The following PREX1 variants were observed in gnomAD, a reference collection of about 807,000 sequenced individuals.
The protein encoded by PREX1 is phosphatidylinositol 3,4,5-trisphosphate-dependent Rac exchanger 1 protein.
A neutral mutation model predicts 198.3 loss-of-function variants in PREX1; 41 were observed. The observed-to-expected ratio is 0.21, with a 90% CI of 0.16 to 0.27. The LOEUF (loss-of-function observed/expected upper bound fraction) is 0.27. Among genes scored for constraint, PREX1 ranks in the 10% least tolerant of loss-of-function variants. The pLI, the probability that PREX1 is intolerant of heterozygous loss-of-function variation, is 1.00. For synonymous variants in PREX1, 843 were observed against 887.2 expected (o/e 0.95, Z 0.89); for missense variants, 1,620 against 2,200.7 (o/e 0.74, Z 5.28).
intron 6 of PREX1, among the ~76,000 whole-genome samples, chr20:48,704,823 T>C (rs1318892768): frequency 6.6e-6 from 1 of 152,216 alleles, no homozygotes; most frequent in African/African-American, 2.4e-5. Flanking sequence ...CCCACAGTGC[T>C]AGGATTACAG....
intron 3 of PREX1, among the ~76,000 whole-genome samples, chr20:48,743,907 A>T (rs1401823401): frequency 6.6e-6 from 1 of 152,046 alleles, no homozygotes; most frequent in Non-Finnish European, 1.5e-5. Flanking sequence ...CTTGCCCCCC[A>T]TTGCCCTCTG....
At chr20:48,710,953 C>T (rs186745437) in intron 5 of PREX1, among the ~76,000 whole-genome samples, 3 of 152,338 alleles carry the variant, frequency 2.0e-5, no homozygotes, top group Non-Finnish European at 2.9e-5. Context: ...CACATGAGGC[C>T]GCAGTGGGGT....
intron 20 of PREX1, among the ~76,000 whole-genome samples, chr20:48,652,930 A>G (rs1223130765): frequency 6.6e-6 from 1 of 152,156 alleles, no homozygotes; most frequent in Non-Finnish European, 1.5e-5. Flanking sequence ...CTGTGTCCCC[A>G]GGGTCTACAA....
At chr20:48,787,607 TAA>T (rs200161913) in intron 1 of PREX1, among the ~76,000 whole-genome samples, 26 of 134,464 alleles carry the variant, frequency 1.9e-4, no homozygotes, top group Middle Eastern at 3.8e-3. Context: ...CCCCTTACAT[TAA>T]AAAAAAAAAA....
At position 48,627,974 on chromosome 20, in the gene PREX1, G is replaced by A. The variant is rs755686178; in HGVS notation, c.4767-11C>T. Reference sequence around the variant, plus strand: ...ACGCTCAGGGTGCTCCTGCAGCAGGGGAGGGAGGACAGCGGGTTGGCGGTG... The same window carrying A: ...ACGCTCAGGGTGCTCCTGCAGCAGGAGAGGGAGGACAGCGGGTTGGCGGTG... On this transcript the variant is annotated splice_polypyrimidine_tract_variant and intron_variant, in intron 37 of 39. Transcript: ENST00000371941. 17 of 1,602,904 alleles carry A rather than the reference G, an allele frequency of 1.1e-5. No individual in the cohort carries two copies. The South Asian group carries it at 1.2e-4, about 12-fold the overall frequency.
chr20:48,784,288 A>G (rs910474674), intron 1 of PREX1, among the ~76,000 whole-genome samples: 3 of 152,202 alleles, frequency 2.0e-5, no homozygotes, highest in Non-Finnish European at 4.4e-5. Context: ...GTAATCATTT[A>G]ATTTTATCAG....
intron 1 of PREX1, among the ~76,000 whole-genome samples, chr20:48,820,824 G>A (rs1047986737): frequency 5.9e-5 from 9 of 152,196 alleles, no homozygotes; most frequent in Non-Finnish European, 8.8e-5. Flanking sequence ...CCCGTATGTC[G>A]ACAGTGCTGA....
In PREX1 at chr20:48,679,716, A is replaced by T; in HGVS notation, c.1474T>A (p.Tyr492Asn). The change falls in exon 12 of 40, where the codon TAT (tyrosine) becomes AAT (asparagine). Residue 492 changes from tyrosine to asparagine, a missense_variant. Around this residue, in one of 7 missense-constraint regions of PREX1, gnomAD observed 488 missense variants for 802.5 expected, o/e 0.61. Transcript: ENST00000371941. ...KHQFKNEQVM[Y>N]RFRYDDGTYK... is the part of the protein sequence containing the mutation. ...GTGCCATCGTCGTAGCGGAAGCGATACATCACCTGCTCATTCTTGAACTGG... is the reference window on the plus strand; with the variant it reads ...GTGCCATCGTCGTAGCGGAAGCGATTCATCACCTGCTCATTCTTGAACTGG... 1 of 1,613,826 alleles carries T rather than the reference A, an allele frequency of 6.2e-7. No homozygotes were observed. Among genetic ancestry groups the T allele is most frequent in the Non-Finnish European group, 8.5e-7 (1 of 1,179,702 alleles).
At chr20:48,862,788 A>AT in the PREX1 span, among the ~76,000 whole-genome samples, 18 of 49,838 alleles carry the variant, frequency 3.6e-4, no homozygotes, top group African/African-American at 1.9e-3. Context: ...CCTAAAAAAA[A>AT]AAATATATAT....
At chr20:48,689,975 TG>T (rs1449193377) in intron 9 of PREX1, among the ~76,000 whole-genome samples, 13 of 152,120 alleles carry the variant, frequency 8.5e-5, no homozygotes, top group Admixed American at 3.9e-4. Flanking sequence ...GTTGATCTAT[TG>T]AATTTGGGGA....
chr20:48,756,397 C>T (rs1221948754), intron 1 of PREX1, among the ~76,000 whole-genome samples: 1 of 152,176 alleles, frequency 6.6e-6, no homozygotes, highest in Non-Finnish European at 1.5e-5. Flanking sequence ...GGATTTGAAA[C>T]ATCCTCCCCA....
the PREX1 span, among the ~76,000 whole-genome samples, chr20:48,856,358 A>G: frequency 0.17 from 26,334 of 152,194 alleles, 2,349 homozygotes; most frequent in Non-Finnish European, 0.19. Flanking sequence ...GACGACGCCC[A>G]TGCCAGGGGC....
chr20:48,734,083 A>G (rs931862003), intron 4 of PREX1, among the ~76,000 whole-genome samples: 3 of 152,184 alleles, frequency 2.0e-5, no homozygotes, highest in Non-Finnish European at 4.4e-5. Flanking sequence ...ATTTTCTTTC[A>G]TTTATAATTA....
chr20:48,858,119 T>C, the PREX1 span, among the ~76,000 whole-genome samples: 1 of 152,230 alleles, frequency 6.6e-6, no homozygotes, highest in African/African-American at 2.4e-5. Flanking sequence ...TGGCTGCCAG[T>C]CGAGGCCTCC....
intron 32 of PREX1, 123 bp from the exon 33 acceptor site, chr20:48,634,898 C>G (rs1411457922): frequency 4.2e-6 from 3 of 720,504 alleles, no homozygotes; most frequent in Non-Finnish European, 7.3e-6. Context: ...GTGCCAGGTC[C>G]TGAGCGTGAC....
chr20:48,884,010 G>C, the PREX1 span, among the ~76,000 whole-genome samples: 6 of 152,056 alleles, frequency 3.9e-5, no homozygotes, highest in Admixed American at 3.9e-4. Flanking sequence ...CGTGGTGGTG[G>C]ACGCCTGTAG....
chr20:48,880,551 A>C, the PREX1 span, among the ~76,000 whole-genome samples: 1 of 152,150 alleles, frequency 6.6e-6, no homozygotes, highest in African/African-American at 2.4e-5. Flanking sequence ...TATTGCAGCC[A>C]CATTTCGGGC....
chr20:48,696,379 G>C (rs2089845570), intron 7 of PREX1, among the ~76,000 whole-genome samples: 1 of 152,144 alleles, frequency 6.6e-6, no homozygotes, highest in Non-Finnish European at 1.5e-5. Context: ...AAATTCAAAT[G>C]ACTGCTTACA....
intron 16 of PREX1, 137 bp downstream of exon 16, chr20:48,659,782 C>A: frequency 8.1e-7 from 1 of 1,237,792 alleles, no homozygotes; most frequent in East Asian, 2.5e-5. Context: ...CAGAGTTGCC[C>A]CCTACCACCT....
Sources: allele counts gnomAD v4.1 joint callset (sites outside exome capture counted in the v4.1 genomes callset), GRCh38; gene constraint gnomAD v4.1.1; regional missense constraint gnomAD v4.1.1; transcripts MANE v1.5; gene names NCBI Gene and HGNC (gene_info 2026-07-23, HGNC 2026-07-21).